MYO18B: variants seen among roughly 807,000 people sequenced by gnomAD.
MYO18B encodes myosin XVIIIB.
In MYO18B, 204 loss-of-function variants were observed where a neutral mutation model predicts 273.0. The observed-to-expected ratio is 0.75, with a 90% CI of 0.67 to 0.84. The LOEUF (loss-of-function observed/expected upper bound fraction) is 0.84. Ranked by LOEUF, MYO18B falls within the 40% of genes least tolerant of loss-of-function variation. The probability of loss-of-function intolerance (pLI) is 0.00; values close to 1 mark genes in which losing one functional copy is unlikely to be tolerated. For missense variants in MYO18B, 3,212 were observed against 3,287.6 expected (o/e 0.98, Z 0.56); for synonymous variants, 1,330 against 1,305.7 (o/e 1.02, Z -0.40).
At position 25,834,132 on chromosome 22, in the gene MYO18B, CCTT is replaced by C. The variant is rs758903031; in HGVS notation, c.3060+1145_3060+1147del. 5.9e-3 allele frequency among the ~76,000 whole-genome samples: 903 copies of C among 151,872 alleles called. 2 individuals are homozygous for C. The highest frequency in any genetic ancestry group is 0.01 in the Non-Finnish European group (694 of 67,942). ...CAGGGCCTGTGGCTGCAAATAGCTA[CCTT>C]CTTCTTCTTTTTTTTTTTCTTTTTT... On this transcript the variant is annotated intron_variant, in intron 16 of 43. Coordinates refer to ENST00000335473, the MANE Select transcript of MYO18B (RefSeq NM_032608.7).
chr22:25,760,989 T>G lies in MYO18B; in HGVS notation c.-104T>G. The G allele has an allele frequency of 8.0e-7, 1 of 1,254,418 alleles. No homozygotes were observed. The highest frequency in any genetic ancestry group is 2.3e-5 in the East Asian group (1 of 43,316). The allele number at this position is 1,254,418 out of a possible 1,614,324, so 77.7% of individuals were successfully genotyped here. On this transcript the variant is annotated 5_prime_UTR_variant, in exon 2 of 44. Transcript: ENST00000335473. ...ACTGTGTCCCTGTGTGTCAGTTCTGTGTCCATCTCATGTGCTGCGTGTGTC... is the reference window on the plus strand; with the variant it reads ...ACTGTGTCCCTGTGTGTCAGTTCTGGGTCCATCTCATGTGCTGCGTGTGTC...
At chr22:25,902,511 T>G in intron 29 of MYO18B, 102 bp from the exon 30 acceptor site, 2 of 1,326,086 alleles carry the variant, frequency 1.5e-6, no homozygotes, top group Non-Finnish European at 2.0e-6. Context: ...TAATGGTTCT[T>G]GGGAAACTAG....
intron 13 of MYO18B, among the ~76,000 whole-genome samples, chr22:25,824,102 C>A (rs893560536): frequency 6.6e-6 from 1 of 152,104 alleles, no homozygotes; most frequent in South Asian, 2.1e-4. Context: ...AGGTGTGGTC[C>A]GCTCACTAAG....
At chr22:25,930,255 G>A (rs35141530) in intron 34 of MYO18B, among the ~76,000 whole-genome samples, 2,170 of 152,258 alleles carry the variant, frequency 0.014, 15 homozygotes, top group South Asian at 0.041. Context: ...GCCTGCCCCT[G>A]AGTTAGTACT....
chr22:25,973,171 C>T (rs1361355867), intron 39 of MYO18B, among the ~76,000 whole-genome samples: 1 of 152,130 alleles, frequency 6.6e-6, no homozygotes, highest in Non-Finnish European at 1.5e-5. Context: ...GCTAACCACA[C>T]ACTTAGTAGG....
intron 31 of MYO18B, among the ~76,000 whole-genome samples, chr22:25,907,111 A>G (rs2092060151): frequency 6.6e-6 from 1 of 152,264 alleles, no homozygotes; most frequent in Non-Finnish European, 1.5e-5. Flanking sequence ...CTAATCCAGT[A>G]GGTCTAGGGT....
chr22:25,858,494 A>G (rs2090638993), intron 21 of MYO18B, among the ~76,000 whole-genome samples: 1 of 152,210 alleles, frequency 6.6e-6, no homozygotes, highest in Non-Finnish European at 1.5e-5. Flanking sequence ...ATGGCTCTTC[A>G]TTATTTCTGG....
chr22:25,859,480 A>T (rs1210782912), intron 21 of MYO18B, among the ~76,000 whole-genome samples: 1 of 152,148 alleles, frequency 6.6e-6, no homozygotes, highest in Non-Finnish European at 1.5e-5. Flanking sequence ...TGGCTCTACC[A>T]TTGTTCATCC....
chr22:25,932,981 C>T (rs560437887), intron 34 of MYO18B, among the ~76,000 whole-genome samples: 1 of 152,222 alleles, frequency 6.6e-6, no homozygotes. Flanking sequence ...CCAATTACCC[C>T]CCAGTGTCCG....
chr22:25,771,728 C>T (rs1278322698), intron 6 of MYO18B, among the ~76,000 whole-genome samples: 1 of 152,204 alleles, frequency 6.6e-6, no homozygotes, highest in Non-Finnish European at 1.5e-5. Flanking sequence ...TGGCCCAAAC[C>T]TGAGACTACC....
intron 42 of MYO18B, among the ~76,000 whole-genome samples, chr22:26,008,759 A>G (rs368615247): frequency 1.0e-3 from 158 of 152,268 alleles, no homozygotes; most frequent in African/African-American, 3.6e-3. Flanking sequence ...TGGGCTGTCC[A>G]GGGTCTGGCA....
At chr22:25,908,976 C>A (rs1318366589) in intron 32 of MYO18B, among the ~76,000 whole-genome samples, 1 of 152,198 alleles carries the variant, frequency 6.6e-6, no homozygotes, top group Non-Finnish European at 1.5e-5. Flanking sequence ...GGTTCTGAAG[C>A]CTGTTGTCTC....
the MYO18B span, among the ~76,000 whole-genome samples, chr22:26,046,205 G>A: frequency 6.6e-6 from 1 of 152,118 alleles, no homozygotes; most frequent in Non-Finnish European, 1.5e-5. Flanking sequence ...TACAGCAACT[G>A]TCAAAAAAAC....
the MYO18B span, among the ~76,000 whole-genome samples, chr22:26,040,654 G>A: frequency 1.3e-5 from 2 of 152,178 alleles, no homozygotes; most frequent in Non-Finnish European, 2.9e-5. Flanking sequence ...GTAAAGATCT[G>A]AAGAAAGTGA....
chr22:25,755,202 A>G (rs1408056904), intron 1 of MYO18B, among the ~76,000 whole-genome samples: 1 of 151,644 alleles, frequency 6.6e-6, no homozygotes, highest in Non-Finnish European at 1.5e-5. Context: ...TTTTAAATTA[A>G]ATTTTATTTT....
At chr22:25,951,971 C>A in intron 37 of MYO18B, among the ~76,000 whole-genome samples, 1 of 152,148 alleles carries the variant, frequency 6.6e-6, no homozygotes, top group East Asian at 1.9e-4. Flanking sequence ...ACTAGCTTTG[C>A]TCCTTGATCA....
chr22:25,779,906 T>A, intron 8 of MYO18B, 150 bp from the exon 9 acceptor site: 1 of 917,490 alleles, frequency 1.1e-6, no homozygotes, highest in Non-Finnish European at 1.6e-6. Context: ...AGGGAGTGGG[T>A]GGCAGGAAGC....
At chr22:25,989,626 C>CA (rs56004208) in intron 39 of MYO18B, among the ~76,000 whole-genome samples, 6,896 of 87,996 alleles carry the variant, frequency 0.078, 888 homozygotes, top group East Asian at 0.25. Context: ...ACTAAAAATA[C>CA]AAAAAAAAAA....
Position 25,790,009 on chromosome 22 carries a change from C to T in MYO18B, c.2376+4518C>T, listed in dbSNP as rs551062667. ...CTCTACTAAAAATACAAAAATTAGC[C>T]GGACGTGGTGGCGGGTGCCTGTAAT... is the stretch of plus-strand genomic sequence containing the variant. On this transcript the variant is annotated intron_variant, in intron 11 of 43. Transcript: ENST00000335473. Among the ~76,000 whole-genome samples, 51 of 152,164 alleles carry T rather than the reference C, an allele frequency of 3.4e-4. No homozygotes were observed. The East Asian group carries it at 4.8e-3, about 14-fold the overall frequency.
Sources: allele counts gnomAD v4.1 joint callset (sites outside exome capture counted in the v4.1 genomes callset), GRCh38; gene constraint gnomAD v4.1.1; transcripts MANE v1.5; gene names NCBI Gene and HGNC (gene_info 2026-07-23, HGNC 2026-07-21).